The following HMCN2 variants were observed in gnomAD, a reference collection of about 807,000 sequenced individuals.
HMCN2 encodes the protein hemicentin 2.
A neutral mutation model predicts 377.5 loss-of-function variants in HMCN2; 325 were observed. That is an observed-to-expected ratio of 0.86 (90% CI 0.79 to 0.94). The LOEUF is 0.94. HMCN2 is among the 40% of genes least tolerant of loss of function. The probability of loss-of-function intolerance (pLI) is 0.00; values close to 1 mark genes in which losing one functional copy is unlikely to be tolerated. For missense variants in HMCN2, 4,543 were observed against 4,725.3 expected, an observed-to-expected ratio of 0.96 and a Z score of 1.13; for synonymous variants, 2,007 against 2,046.8, an observed-to-expected ratio of 0.98 and a Z score of 0.53.
chr9:130,424,633 G>T, intron 87 of HMCN2, 143 bp from the exon 88 acceptor site: 1 of 732,834 alleles, frequency 1.4e-6, no homozygotes. Flanking sequence ...AATTGGCATG[G>T]CAGTCACAAG....
chr9:130,301,409 G>A (rs147437707), intron 8 of HMCN2, among the ~76,000 whole-genome samples: 1 of 152,314 alleles, frequency 6.6e-6, no homozygotes, highest in Non-Finnish European at 1.5e-5. Context: ...GTTGGGGAAG[G>A]GATTTGGTTT....
At chr9:130,415,831 C>T (rs375725247) in intron 85 of HMCN2, among the ~76,000 whole-genome samples, 2 of 152,200 alleles carry the variant, frequency 1.3e-5, no homozygotes, top group African/African-American at 4.8e-5. Flanking sequence ...CTGCTCTTCT[C>T]AGCCAGGGCC....
chr9:130,312,539 C>CCCTCCCTCCCTCCTTTCCTT (rs1554939344), intron 15 of HMCN2, among the ~76,000 whole-genome samples: 2 of 6,620 alleles, frequency 3.0e-4, no homozygotes, highest in Admixed American at 2.9e-3. Context: ...CTCCCTCCCT[C>CCCTCCCTCCCTCCTTTCCTT]CTTTCTTTCT....
In HMCN2 at chr9:130,304,199, A is replaced by G. The variant is rs542919797; in HGVS notation, c.1544-531A>G. 4.6e-5 allele frequency among the ~76,000 whole-genome samples: 7 copies of G among 151,692 alleles called. No individual in the cohort carries two copies. Among genetic ancestry groups the G allele is most frequent in the Non-Finnish European group, 8.8e-5 (6 of 67,942 alleles). On this transcript the variant is annotated intron_variant, in intron 10 of 97. Coordinates refer to ENST00000683500, the MANE Select transcript of HMCN2 (RefSeq NM_001291815.2). The surrounding 1 kb of genome is among the most constrained non-coding windows in gnomAD (Gnocchi z 4.3). ...ATCCCTCCATTCTGCCATTTGATTT[A>G]CTCCCTTTTAGGTTTTTTTCTATGT... is the stretch of plus-strand genomic sequence containing the variant.
intron 21 of HMCN2, among the ~76,000 whole-genome samples, chr9:130,326,920 A>G (rs945424988): frequency 7.0e-4 from 107 of 152,290 alleles, no homozygotes; most frequent in Non-Finnish European, 1.3e-3. Context: ...GGCTGATATC[A>G]TGGGAATAAG....
At position 130,396,258 on chromosome 9, in the gene HMCN2, G is replaced by T; in HGVS notation, c.11143G>T (p.Ala3715Ser). Residue 3715 changes from alanine to serine, a missense_variant, in exon 73 of 98, where the codon GCA (alanine) becomes TCA (serine). Coordinates refer to ENST00000683500, the MANE Select transcript of HMCN2 (RefSeq NM_001291815.2). ...GCCTTGCCAGGCCGACGGCGTGCCC[G>T]CACCCCTCGTGAGCTGGCGGAAGGA... Reference protein sequence around the residue: ...LLPCQADGVPAPLVSWRKDRV... With the variant: ...LLPCQADGVPSPLVSWRKDRV... The T allele has an allele frequency of 7.8e-7, 1 of 1,286,204 alleles. No homozygotes were observed. Among genetic ancestry groups the T allele is most frequent in the Non-Finnish European group, 1.0e-6 (1 of 985,822 alleles). 79.7% of individuals were successfully genotyped at this position (1,286,204 alleles called of 1,614,324 possible).
rs1320454575 is a variant in HMCN2, at chr9:130,356,221, G to T, written c.5389G>T (p.Gly1797Cys). 18 of 1,302,534 alleles carry T rather than the reference G, an allele frequency of 1.4e-5. No homozygotes were observed. The highest frequency in any genetic ancestry group is 1.8e-5 in the Non-Finnish European group (18 of 988,740). 80.7% of individuals were successfully genotyped at this position (1,302,534 alleles called of 1,614,324 possible). Residue 1797 changes from glycine (G) to cysteine (C), a missense_variant, in exon 34 of 98, where the codon GGC becomes TGC. Transcript: ENST00000683500. ...CGCCTGCCAGGCCACCAATGAGGCG[G>T]GCACTGCCGGGGCCGAGGTGGAGGT... Reference protein sequence around the residue: ...LFACQATNEAGTAGAEVEVSV... With the variant: ...LFACQATNEACTAGAEVEVSV...
chr9:130,372,651 T>C (rs960627428), intron 47 of HMCN2, among the ~76,000 whole-genome samples: 5 of 152,232 alleles, frequency 3.3e-5, no homozygotes, highest in Non-Finnish European at 5.9e-5. Context: ...GGTACACGCC[T>C]GTAGTCTCAG....
intron 18 of HMCN2, among the ~76,000 whole-genome samples, chr9:130,321,400 T>C (rs1203528571): frequency 2.0e-5 from 3 of 152,168 alleles, no homozygotes; most frequent in African/African-American, 7.2e-5. Context: ...ACCTCTTCCC[T>C]TTCCTCAATT....
At chr9:130,268,296 G>A (rs541421247) in intron 1 of HMCN2, among the ~76,000 whole-genome samples, 5 of 152,306 alleles carry the variant, frequency 3.3e-5, no homozygotes, top group Admixed American at 3.3e-4. Flanking sequence ...ACCAGGCTCA[G>A]CCCCCTCACT....
rs771570825 is a variant in HMCN2, at chr9:130,354,920, G to A, written c.5022G>A (p.Arg1674=). ...GLPVAESNES[R]LETDGSVLRL... ...CCGTGGCAGAGAGCAACGAGTCGCG[G>A]CTGGAGACAGACGGGAGTGTGCTGA... The change falls in exon 32 of 98, where the codon CGG becomes CGA. Residue 1674 remains arginine, a synonymous_variant. Coordinates refer to ENST00000683500, the MANE Select transcript of HMCN2 (RefSeq NM_001291815.2). 7.7e-7 allele frequency: 1 copy of A among 1,303,946 alleles called. No individual in the cohort carries two copies. Among genetic ancestry groups the A allele is most frequent in the South Asian group, 1.2e-5 (1 of 81,022 alleles). 80.8% of individuals were successfully genotyped at this position (1,303,946 alleles called of 1,614,324 possible).
At chr9:130,330,497 G>A (rs1838370554) in intron 22 of HMCN2, among the ~76,000 whole-genome samples, 2 of 152,164 alleles carry the variant, frequency 1.3e-5, no homozygotes, top group South Asian at 2.1e-4. Context: ...TGCAGCTCTT[G>A]GGGCTGGGTC....
intron 90 of HMCN2, among the ~76,000 whole-genome samples, chr9:130,426,891 C>T (rs1001807576): frequency 2.6e-5 from 4 of 152,074 alleles, no homozygotes; most frequent in Non-Finnish European, 4.4e-5. Context: ...TTTAGACTGC[C>T]TTGTGTCCTT....
intron 31 of HMCN2, among the ~76,000 whole-genome samples, chr9:130,353,744 T>C (rs1392334738): frequency 6.6e-6 from 1 of 152,202 alleles, no homozygotes; most frequent in African/African-American, 2.4e-5. Context: ...CCAGACCTCA[T>C]GCTGTGAACC....
At chr9:130,389,441 C>T (rs997473742) in intron 62 of HMCN2, among the ~76,000 whole-genome samples, 5 of 152,200 alleles carry the variant, frequency 3.3e-5, no homozygotes, top group Admixed American at 2.0e-4. Context: ...AATCTGCTTT[C>T]TGTCTCTGTG....
At chr9:130,301,361 G>A (rs1684777445) in intron 8 of HMCN2, among the ~76,000 whole-genome samples, 1 of 152,248 alleles carries the variant, frequency 6.6e-6, no homozygotes, top group South Asian at 2.1e-4. Context: ...TTGGAGTTTA[G>A]CTCTGGCTTT....
At chr9:130,416,303 C>A (rs1843695451) in intron 85 of HMCN2, among the ~76,000 whole-genome samples, 1 of 152,032 alleles carries the variant, frequency 6.6e-6, no homozygotes, top group African/African-American at 2.4e-5. Context: ...CAGGGTTTCA[C>A]CATGTTGGCC....
At position 130,361,148 on chromosome 9, in the gene HMCN2, C is replaced by T. The variant is rs187450338; in HGVS notation, c.5950+544C>T. 2.7e-4 allele frequency among the ~76,000 whole-genome samples: 41 copies of T among 152,214 alleles called. No homozygotes were observed. Among genetic ancestry groups the T allele is most frequent in the African/African-American group, 7.0e-4 (29 of 41,452 alleles). On this transcript the variant is annotated intron_variant, in intron 38 of 97. Coordinates refer to ENST00000683500, the MANE Select transcript of HMCN2 (RefSeq NM_001291815.2). The surrounding 1 kb of genome is among the most constrained non-coding windows in gnomAD (Gnocchi z 4.8). ...TCCATGCTCTGGGGCGGAGACTGGA[C>T]CTAGAGCCCTAGATAAGACAGACCT...
intron 4 of HMCN2, among the ~76,000 whole-genome samples, chr9:130,293,295 T>TTTTA (rs1835909941): frequency 6.9e-6 from 1 of 144,980 alleles, no homozygotes; most frequent in Admixed American, 6.9e-5. Context: ...TTTTTTTTTT[T>TTTTA]TTTTTGCGGT....
Sources: gnomAD v4.1 joint callset for allele counts (sites outside exome capture counted in the v4.1 genomes callset) on GRCh38, gnomAD v4.1.1 for gene constraint, Gnocchi (gnomAD v3.1) non-coding constraint, MANE v1.5 for transcripts, NCBI Gene and HGNC (gene_info 2026-07-23, HGNC 2026-07-21) for gene names.